Variants in ZBTB20 observed in about 807,000 individuals in gnomAD.
ZBTB20 encodes the protein zinc finger and BTB domain-containing protein 20.
In ZBTB20, 9 loss-of-function variants were observed where a neutral mutation model predicts 56.9. The observed-to-expected ratio is 0.16, with a 90% CI of 0.10 to 0.28. ZBTB20 has a LOEUF of 0.28. Ranked by LOEUF, ZBTB20 falls within the 10% of genes least tolerant of loss-of-function variation. The pLI is 1.00. For synonymous variants in ZBTB20, 417 were observed against 420.7 expected, an observed-to-expected ratio of 0.99 and a Z score of 0.11; for missense variants, 655 against 1,003.0, an observed-to-expected ratio of 0.65 and a Z score of 4.69.
chr3:115,129,865 T>C (rs1037788891), intron 1 of ZBTB20, among the ~76,000 whole-genome samples: 3 of 152,208 alleles, frequency 2.0e-5, no homozygotes, highest in Non-Finnish European at 4.4e-5. Context: ...CGATTAAATG[T>C]ACTCACACCT....
rs557346608 is a variant in ZBTB20 at position 115,009,015 on chromosome 3, T to C, written c.-506-34599A>G. Among the ~76,000 whole-genome samples, 27 of 152,050 alleles carry C rather than the reference T, an allele frequency of 1.8e-4. No homozygotes were observed. In the South Asian group the frequency reaches 3.9e-3, roughly 22 times the overall value. ...AAACTTAGTATGTGTGTATGTAAGA[T>C]TGAATATTTTTATACGTTATTGGAC... On this transcript the variant is annotated intron_variant, in intron 2 of 11. Coordinates refer to ENST00000675478, the MANE Select transcript of ZBTB20 (RefSeq NM_001348800.3).
intron 7 of ZBTB20, among the ~76,000 whole-genome samples, chr3:114,418,232 T>C (rs955580551): frequency 6.6e-6 from 1 of 152,108 alleles, no homozygotes; most frequent in Non-Finnish European, 1.5e-5. Flanking sequence ...CAAGCATTCC[T>C]GATGCCCTTT....
intron 5 of ZBTB20, among the ~76,000 whole-genome samples, chr3:114,706,466 G>T (rs2063724505): frequency 6.6e-6 from 1 of 152,044 alleles, no homozygotes; most frequent in African/African-American, 2.4e-5. Flanking sequence ...GGAAATAAAA[G>T]CATATCACAG....
chr3:115,129,989 T>C (rs1263990473), intron 1 of ZBTB20, among the ~76,000 whole-genome samples: 1 of 152,146 alleles, frequency 6.6e-6, no homozygotes, highest in Non-Finnish European at 1.5e-5. Context: ...CAAATATATA[T>C]ATAAATGTCC....
At chr3:114,349,990 A>C (rs2080514445) in intron 11 of ZBTB20, among the ~76,000 whole-genome samples, 1 of 152,168 alleles carries the variant, frequency 6.6e-6, no homozygotes, top group Non-Finnish European at 1.5e-5. Flanking sequence ...CAAATACTTG[A>C]ATATGGCTTA....
chr3:115,124,628 G>A (rs1008733518), intron 1 of ZBTB20, among the ~76,000 whole-genome samples: 4 of 152,092 alleles, frequency 2.6e-5, no homozygotes, highest in African/African-American at 9.7e-5. Flanking sequence ...ATGTGTTACT[G>A]GTATAGAGAT....
chr3:114,881,069 T>A (rs2076380706), intron 4 of ZBTB20, among the ~76,000 whole-genome samples: 2 of 152,098 alleles, frequency 1.3e-5, no homozygotes, highest in Non-Finnish European at 2.9e-5. Context: ...AATCCCTCTC[T>A]CCTACTTAGA....
chr3:115,056,689 T>C (rs1289853437), intron 2 of ZBTB20, among the ~76,000 whole-genome samples: 1 of 152,156 alleles, frequency 6.6e-6, no homozygotes, highest in East Asian at 1.9e-4. Flanking sequence ...CAGGAGGATC[T>C]TCTGTTTATA....
intron 6 of ZBTB20, chr3:114,687,184 T>C (rs1446727950): frequency 6.6e-6 from 1 of 151,382 alleles, no homozygotes; most frequent in East Asian, 1.9e-4. Flanking sequence ...TGAATGCATT[T>C]AAAGATGATT....
At chr3:114,693,301 T>C (rs1216836925) in intron 6 of ZBTB20, among the ~76,000 whole-genome samples, 2 of 152,178 alleles carry the variant, frequency 1.3e-5, no homozygotes, top group African/African-American at 4.8e-5. Flanking sequence ...TCATGTTTCT[T>C]ATTCTTCTAA....
At chr3:115,058,653 C>T (rs1330429233) in intron 2 of ZBTB20, among the ~76,000 whole-genome samples, 1 of 152,084 alleles carries the variant, frequency 6.6e-6, no homozygotes, top group African/African-American at 2.4e-5. Context: ...CACTTGAACC[C>T]AGGAGGCAGA....
chr3:114,539,338 C>T (rs770120129), intron 6 of ZBTB20, among the ~76,000 whole-genome samples: 2 of 152,088 alleles, frequency 1.3e-5, no homozygotes, highest in Non-Finnish European at 2.9e-5. Flanking sequence ...AGTTCTGAAT[C>T]ACCCATTTTG....
chr3:114,628,376 C>T (rs1560058539), intron 6 of ZBTB20, among the ~76,000 whole-genome samples: 1 of 152,102 alleles, frequency 6.6e-6, no homozygotes, highest in Admixed American at 6.6e-5. Flanking sequence ...TGGAGGAAGC[C>T]AGCCATCCAA....
intron 4 of ZBTB20, among the ~76,000 whole-genome samples, chr3:114,815,036 T>G (rs2072816357): frequency 6.6e-6 from 1 of 152,230 alleles, no homozygotes; most frequent in African/African-American, 2.4e-5. Flanking sequence ...AGCTGTTACA[T>G]GTAACATAAA....
chr3:114,945,443 T>A (rs1031006465), intron 3 of ZBTB20, among the ~76,000 whole-genome samples: 1 of 144,662 alleles, frequency 6.9e-6, no homozygotes, highest in Non-Finnish European at 1.5e-5. Context: ...AGGACAATGA[T>A]AAGACAAAAA....
At chr3:114,440,791 G>A (rs1258297941) in intron 7 of ZBTB20, among the ~76,000 whole-genome samples, 1 of 152,118 alleles carries the variant, frequency 6.6e-6, no homozygotes, top group Non-Finnish European at 1.5e-5. Context: ...GAGCTTTTTG[G>A]AGGCAGAACC....
At chr3:114,796,664 T>C (rs6806573) in intron 5 of ZBTB20, among the ~76,000 whole-genome samples, 17,676 of 151,700 alleles carry the variant, frequency 0.12, 1,181 homozygotes, top group African/African-American at 0.18. Context: ...TAGGATGTAT[T>C]AAGAGGAGGA....
chr3:114,782,818 T>C (rs78989454), intron 5 of ZBTB20, among the ~76,000 whole-genome samples: 4,892 of 152,266 alleles, frequency 0.032, 132 homozygotes, highest in African/African-American at 0.069. Context: ...ATCCTTAATG[T>C]AGAAACTGGC....
At chr3:114,733,333 G>A (rs1349088662) in intron 5 of ZBTB20, among the ~76,000 whole-genome samples, 1 of 152,194 alleles carries the variant, frequency 6.6e-6, no homozygotes, top group Non-Finnish European at 1.5e-5. Flanking sequence ...ACGCCTGACA[G>A]AAGGCTGAAA....
Sources: allele counts gnomAD v4.1 joint callset (sites outside exome capture counted in the v4.1 genomes callset), GRCh38; gene constraint gnomAD v4.1.1; transcripts MANE v1.5; gene names NCBI Gene and HGNC (gene_info 2026-07-23, HGNC 2026-07-21).